The following FARP2 variants were observed in gnomAD, a reference collection of about 807,000 sequenced individuals.
FARP2 encodes FERM, ARH/RhoGEF and pleckstrin domain protein 2, also known as FERM, ARHGEF and pleckstrin domain-containing protein 2.
Under a neutral mutation model 130.5 loss-of-function variants are expected in FARP2, and 111 were observed. That is an observed-to-expected ratio of 0.85 (90% CI 0.73 to 1.00). The LOEUF (loss-of-function observed/expected upper bound fraction) is 1.00. Ranked by LOEUF, FARP2 falls within the 50% of genes least tolerant of loss-of-function variation. The pLI is 0.00. For synonymous variants in FARP2, 504 were observed against 516.9 expected, an observed-to-expected ratio of 0.98 and a Z score of 0.34; for missense variants, 1,385 against 1,346.3, an observed-to-expected ratio of 1.03 and a Z score of -0.45.
chr2:241,395,962 T>C (rs991219607), intron 2 of FARP2: 2 of 152,230 alleles, frequency 1.3e-5, no homozygotes, highest in African/African-American at 2.4e-5. Context: ...CTGAAACATA[T>C]GGCCTACAAA....
intron 13 of FARP2, among the ~76,000 whole-genome samples, chr2:241,449,821 A>AC (rs1364338729): frequency 6.6e-6 from 1 of 152,004 alleles, no homozygotes; most frequent in Non-Finnish European, 1.5e-5. Context: ...ACACAGTGAA[A>AC]CCCCATCTCT....
intron 2 of FARP2, among the ~76,000 whole-genome samples, chr2:241,382,291 T>TC (rs746747319): frequency 0.13 from 17,774 of 135,064 alleles, 1,326 homozygotes; most frequent in Non-Finnish European, 0.16. Context: ...GTACAAAATC[T>TC]ATTTTTTTTT....
intron 12 of FARP2, among the ~76,000 whole-genome samples, chr2:241,438,721 C>T (rs1025550348): frequency 6.6e-6 from 1 of 151,490 alleles, no homozygotes; most frequent in South Asian, 2.1e-4. Flanking sequence ...GCTCCGCCTC[C>T]CGGGTTCACG....
intron 8 of FARP2, among the ~76,000 whole-genome samples, chr2:241,431,328 AG>A (rs2063084443): frequency 6.6e-6 from 1 of 152,080 alleles, no homozygotes; most frequent in Admixed American, 6.5e-5. Context: ...ATAGAAAATT[AG>A]GCAAGAGTGG....
chr2:241,426,271 A>G (rs999251404), intron 8 of FARP2, among the ~76,000 whole-genome samples: 52 of 152,224 alleles, frequency 3.4e-4, no homozygotes, highest in African/African-American at 1.2e-3. Context: ...AACTAGGGAT[A>G]GGTACATGCC....
At chr2:241,428,689 A>G (rs28753672) in intron 8 of FARP2, among the ~76,000 whole-genome samples, 5,233 of 151,908 alleles carry the variant, frequency 0.034, 297 homozygotes, top group African/African-American at 0.12. Context: ...GAAGTATACA[A>G]TTCAGTTGTT....
intron 2 of FARP2, among the ~76,000 whole-genome samples, chr2:241,397,190 G>A (rs914362568): frequency 1.3e-5 from 2 of 152,142 alleles, no homozygotes; most frequent in Non-Finnish European, 2.9e-5. Flanking sequence ...GTTGTGCGGC[G>A]AGGGGAGGGA....
At chr2:241,370,281 C>T (rs1292961857) in intron 1 of FARP2, among the ~76,000 whole-genome samples, 1 of 152,090 alleles carries the variant, frequency 6.6e-6, no homozygotes, top group Non-Finnish European at 1.5e-5. Flanking sequence ...TATAAGGATA[C>T]AAAACTTGAG....
intron 8 of FARP2, among the ~76,000 whole-genome samples, chr2:241,430,339 A>G (rs2063059749): frequency 6.6e-6 from 1 of 152,190 alleles, no homozygotes; most frequent in African/African-American, 2.4e-5. Flanking sequence ...CACAGAGCCC[A>G]GCCGTTTTAG....
intron 2 of FARP2, among the ~76,000 whole-genome samples, chr2:241,378,708 C>T (rs183962573): frequency 3.3e-5 from 5 of 152,244 alleles, no homozygotes; most frequent in African/African-American, 9.6e-5. Context: ...CCACACCTAG[C>T]CAGAAGCCAA....
intron 13 of FARP2, chr2:241,441,983 T>C (rs1403356882): frequency 2.8e-6 from 1 of 361,344 alleles, no homozygotes; most frequent in African/African-American, 2.1e-5. Flanking sequence ...AGGTACTCCA[T>C]GGAGGCAGTA....
intron 8 of FARP2, among the ~76,000 whole-genome samples, chr2:241,425,518 T>C (rs1190364347): frequency 6.6e-6 from 1 of 151,462 alleles, no homozygotes; most frequent in African/African-American, 2.4e-5. Context: ...CCTGGAACTA[T>C]TCCGTAGCAG....
chr2:241,436,651 A>G, intron 12 of FARP2, 113 bp downstream of exon 12: 1 of 890,880 alleles, frequency 1.1e-6, no homozygotes, highest in Non-Finnish European at 1.8e-6. Flanking sequence ...TATTTAATGC[A>G]GCAATTGTAA....
In FARP2 at chr2:241,456,862, G is replaced by A. The variant is rs1405835504; in HGVS notation, c.1527G>A (p.Leu509=). The change falls in exon 14 of 27, where the codon CTG becomes CTA. Residue 509 remains leucine, a synonymous_variant. Coordinates refer to ENST00000264042, the MANE Select transcript of FARP2 (RefSeq NM_014808.4). ...GPAEQGSSPL[L]SPVLSDAGGA... Reference sequence around the variant, plus strand: ...CTGAACAGGGCTCATCCCCACTCCTGAGCCCTGTCCTCAGTGATGCTGGCG... The same window carrying A: ...CTGAACAGGGCTCATCCCCACTCCTAAGCCCTGTCCTCAGTGATGCTGGCG... 5 of 1,613,888 alleles carry A rather than the reference G, an allele frequency of 3.1e-6. No homozygotes were observed. The highest frequency in any genetic ancestry group is 4.2e-6 in the Non-Finnish European group (5 of 1,179,924).
intron 2 of FARP2, among the ~76,000 whole-genome samples, chr2:241,380,457 G>T (rs1423782786): frequency 1.3e-5 from 2 of 152,118 alleles, no homozygotes; most frequent in Non-Finnish European, 2.9e-5. Flanking sequence ...GGCTAGAAAA[G>T]CTGAGCTTGT....
chr2:241,435,165 C>T (rs2063193870), intron 11 of FARP2, 135 bp downstream of exon 11: 3 of 519,016 alleles, frequency 5.8e-6, no homozygotes, highest in Admixed American at 4.0e-5. Context: ...ATGATCACGG[C>T]TCACTGCAGC....
intron 1 of FARP2, among the ~76,000 whole-genome samples, chr2:241,361,039 A>AC (rs1369351320): frequency 3.3e-5 from 5 of 151,912 alleles, no homozygotes; most frequent in African/African-American, 1.2e-4. Context: ...AAAAAAAAAA[A>AC]AAACACACAT....
At chr2:241,466,186 C>T in intron 17 of FARP2, 1 of 1,053,858 alleles carries the variant, frequency 9.5e-7, no homozygotes, top group African/African-American at 1.7e-5. Context: ...ACCACCCCCT[C>T]ACGGGGCATA....
chr2:241,456,880 T>C lies in FARP2; in HGVS notation c.1545T>C (p.Asp515=), dbSNP rs1559789398. The change falls in exon 14 of 27, where the codon GAT becomes GAC. Residue 515 remains aspartate, a synonymous_variant. Transcript: ENST00000264042. ...SSPLLSPVLS[D]AGGAGMDCEE... is the part of the protein sequence containing the mutation. ...CACTCCTGAGCCCTGTCCTCAGTGA[T>C]GCTGGCGGAGCCGGGATGGACTGCG... 1 of 1,610,546 alleles carries C rather than the reference T, an allele frequency of 6.2e-7. No homozygotes were observed. The highest frequency in any genetic ancestry group is 8.5e-7 in the Non-Finnish European group (1 of 1,178,212).
Sources: gnomAD v4.1 joint callset for allele counts (sites outside exome capture counted in the v4.1 genomes callset) on GRCh38, gnomAD v4.1.1 for gene constraint, MANE v1.5 for transcripts, NCBI Gene and HGNC (gene_info 2026-07-23, HGNC 2026-07-21) for gene names.